The following CELF2 variants were observed in gnomAD, a reference collection of about 807,000 sequenced individuals.
The protein encoded by CELF2 is CUGBP Elav-like family member 2.
Under a neutral mutation model 62.6 loss-of-function variants are expected in CELF2, and 8 were observed. That is an observed-to-expected ratio of 0.13 (90% CI 0.07 to 0.23). The LOEUF (loss-of-function observed/expected upper bound fraction) is 0.23, where lower values mean the gene tolerates loss of function less well. CELF2 is among the 10% of genes least tolerant of loss of function. CELF2 has a pLI of 1.00. For missense variants in CELF2, 333 were observed against 671.0 expected, an observed-to-expected ratio of 0.50 and a Z score of 5.56; for synonymous variants, 258 against 250.0, an observed-to-expected ratio of 1.03 and a Z score of -0.30.
At chr10:10,660,749 C>G in the CELF2 span, among the ~76,000 whole-genome samples, 2 of 152,158 alleles carry the variant, frequency 1.3e-5, no homozygotes, top group Non-Finnish European at 2.9e-5. Context: ...TACATTTTTG[C>G]AAAGTGTCAT....
In CELF2 at chr10:10,840,727, G is replaced by A. The variant is rs377429602; in HGVS notation, c.53+41910G>A. The stretch of plus-strand genomic sequence containing the variant: ...CTGGAATAGACATGCAGAACATGCA[G>A]GTTTGTTACATAGGTATACATGTGC... On this transcript the variant is annotated intron_variant, in intron 1 of 13. Transcript: ENST00000636488. Among the ~76,000 whole-genome samples the A allele has an allele frequency of 4.1e-3, 622 of 152,148 alleles. 8 individuals are homozygous for A. Among genetic ancestry groups the A allele is most frequent in the South Asian group, 0.017 (80 of 4,808 alleles).
chr10:10,788,145 A>G, the CELF2 span, among the ~76,000 whole-genome samples: 1 of 152,210 alleles, frequency 6.6e-6, no homozygotes. Context: ...TGCTTTTCAA[A>G]GAAGCTTCAG....
intron 1 of CELF2, among the ~76,000 whole-genome samples, chr10:11,020,504 G>C (rs1351017683): frequency 6.6e-6 from 1 of 152,204 alleles, no homozygotes; most frequent in Non-Finnish European, 1.5e-5. Flanking sequence ...TATTCACCCA[G>C]TTGAGAAGAT....
In CELF2 at chr10:11,247,410, G is replaced by T. The variant is rs767615291; in HGVS notation, c.355-1743G>T. On this transcript the variant is annotated intron_variant, in intron 3 of 12. Coordinates refer to ENST00000633077, the MANE Select transcript of CELF2 (RefSeq NM_001326342.2). The surrounding 1 kb of genome is among the most constrained non-coding windows in gnomAD (Gnocchi z 5.4). ...ACATGCCGGCCCCCCTTCAGTGCTC[G>T]CACGTCCAAGGACTCGGCCCAGATG... 6.6e-6 allele frequency among the ~76,000 whole-genome samples: 1 copy of T among 152,188 alleles called. No homozygotes were observed. The highest frequency in any genetic ancestry group is 6.5e-5 in the Admixed American group (1 of 15,284).
the CELF2 span, among the ~76,000 whole-genome samples, chr10:10,790,879 T>G: frequency 4.6e-5 from 7 of 152,128 alleles, no homozygotes; most frequent in Admixed American, 4.6e-4. Context: ...CTGTAAGGAA[T>G]TCAGTAGGAC....
intron 3 of CELF2, among the ~76,000 whole-genome samples, chr10:11,232,936 TAGC>T (rs2069364079): frequency 1.3e-5 from 2 of 152,174 alleles, no homozygotes; most frequent in South Asian, 4.1e-4. Context: ...AGCATTTGGT[TAGC>T]AGACACTATA....
At chr10:10,808,067 G>T (rs563190559) in intron 1 of CELF2, among the ~76,000 whole-genome samples, 1 of 152,290 alleles carries the variant, frequency 6.6e-6, no homozygotes, top group African/African-American at 2.4e-5. Context: ...AAATACTGAA[G>T]ATGGCCATGG....
At chr10:10,741,482 G>T in the CELF2 span, among the ~76,000 whole-genome samples, 1 of 113,312 alleles carries the variant, frequency 8.8e-6, no homozygotes, top group African/African-American at 3.3e-5. Context: ...GACAGAGAGA[G>T]ACTCCGTCTC....
the CELF2 span, among the ~76,000 whole-genome samples, chr10:10,479,806 C>T: frequency 2.5e-4 from 38 of 152,324 alleles, no homozygotes; most frequent in Admixed American, 2.3e-3. Context: ...AATTGCATAA[C>T]GTTTGCAATC....
chr10:10,887,030 C>T (rs942270159), intron 1 of CELF2, among the ~76,000 whole-genome samples: 49 of 152,142 alleles, frequency 3.2e-4, no homozygotes, highest in Non-Finnish European at 1.2e-4. Flanking sequence ...CAAATGGCTG[C>T]CTTGGCAGTC....
chr10:10,846,178 C>T (rs1483736202), intron 1 of CELF2: 3 of 898,498 alleles, frequency 3.3e-6, no homozygotes, highest in East Asian at 2.4e-4. Flanking sequence ...ATTCCTTCCT[C>T]CCCTTCTGCT....
intron 1 of CELF2, among the ~76,000 whole-genome samples, chr10:10,907,975 A>G (rs970322302): frequency 6.6e-5 from 10 of 152,206 alleles, no homozygotes; most frequent in Admixed American, 3.3e-4. Flanking sequence ...TGTTATTTCA[A>G]ATGGGTAAAA....
chr10:10,832,575 G>A (rs1005736255), intron 1 of CELF2, among the ~76,000 whole-genome samples: 1 of 152,226 alleles, frequency 6.6e-6, no homozygotes, highest in Non-Finnish European at 1.5e-5. Context: ...TTCGAAGAGT[G>A]ATGATAGCTT....
chr10:10,761,981 T>C, the CELF2 span, among the ~76,000 whole-genome samples: 1 of 151,334 alleles, frequency 6.6e-6, no homozygotes, highest in Non-Finnish European at 1.5e-5. Context: ...TGATCTCCTA[T>C]TGGTTCTGTT....
Position 10,896,161 on chromosome 10 carries a change from C to T in CELF2, c.54-23803C>T, listed in dbSNP as rs139640458. ...ATAACCACTTGAAAGGATTAAAGGT[C>T]ATAGTGACTGGTAGTCACACAGGGC... On this transcript the variant is annotated intron_variant, in intron 1 of 13. Transcript: ENST00000636488. 1.1e-4 allele frequency among the ~76,000 whole-genome samples: 16 copies of T among 152,232 alleles called. No homozygotes were observed. The East Asian group carries it at 2.3e-3, about 22-fold the overall frequency.
chr10:10,954,736 A>G lies in CELF2; in HGVS notation c.89+34737A>G, dbSNP rs565687135. 4.6e-5 allele frequency among the ~76,000 whole-genome samples: 7 copies of G among 152,382 alleles called. No homozygotes were observed. The South Asian group carries it at 8.3e-4, about 18-fold the overall frequency. ...CTGTCAATAAGGAACTTGTTAAATTATGAACCATCAATTCAATGGAATACT... is the reference window on the plus strand; with the variant it reads ...CTGTCAATAAGGAACTTGTTAAATTGTGAACCATCAATTCAATGGAATACT... On this transcript the variant is annotated intron_variant, in intron 2 of 13. Transcript: ENST00000636488.
At chr10:10,602,171 G>T in the CELF2 span, among the ~76,000 whole-genome samples, 1 of 152,198 alleles carries the variant, frequency 6.6e-6, no homozygotes, top group Admixed American at 6.5e-5. Flanking sequence ...CCATGTCTTT[G>T]CTATTGTGAA....
intron 1 of CELF2, among the ~76,000 whole-genome samples, chr10:11,121,421 G>A (rs2057714551): frequency 6.6e-6 from 1 of 152,150 alleles, no homozygotes; most frequent in Non-Finnish European, 1.5e-5. Context: ...CTTTGTTTTT[G>A]CCTTCATTCC....
chr10:11,149,374 G>A (rs2062881341), intron 1 of CELF2, among the ~76,000 whole-genome samples: 1 of 152,138 alleles, frequency 6.6e-6, no homozygotes, highest in African/African-American at 2.4e-5. Context: ...CTGACCTATT[G>A]ACACATATAT....
Sources: gnomAD v4.1 joint callset for allele counts (sites outside exome capture counted in the v4.1 genomes callset) on GRCh38, gnomAD v4.1.1 for gene constraint, Gnocchi (gnomAD v3.1) non-coding constraint, MANE v1.5 for transcripts, NCBI Gene and HGNC (gene_info 2026-07-23, HGNC 2026-07-21) for gene names.